RABGAP1L: variants seen among roughly 807,000 people sequenced by gnomAD.
RABGAP1L encodes the protein RAB GTPase activating protein 1 like.
RABGAP1L carries 63 observed loss-of-function variants against 137.7 expected under a neutral mutation model. That is an observed-to-expected ratio of 0.46 (90% CI 0.37 to 0.56). The LOEUF is 0.56. RABGAP1L is among the 20% of genes least tolerant of loss of function. The pLI, the probability that RABGAP1L is intolerant of heterozygous loss-of-function variation, is 0.00. For missense variants in RABGAP1L, 1,095 were observed against 1,244.0 expected (o/e 0.88, Z 1.80); for synonymous variants, 431 against 433.7 (o/e 0.99, Z 0.08).
intron 19 of RABGAP1L, among the ~76,000 whole-genome samples, chr1:174,843,968 C>T (rs1361780105): frequency 2.2e-5 from 3 of 133,416 alleles, no homozygotes; most frequent in East Asian, 4.7e-4. Context: ...TTGCATTTCT[C>T]TGATGGCCAG....
chr1:174,455,758 G>C (rs1655971875), intron 13 of RABGAP1L, among the ~76,000 whole-genome samples: 1 of 152,090 alleles, frequency 6.6e-6, no homozygotes, highest in South Asian at 2.1e-4. Context: ...ACTGCAAGTT[G>C]AAATTTGGAA....
chr1:174,977,403 A>G (rs1248296560), intron 22 of RABGAP1L, among the ~76,000 whole-genome samples: 1 of 152,216 alleles, frequency 6.6e-6, no homozygotes, highest in Non-Finnish European at 1.5e-5. Flanking sequence ...AAGCTACTCT[A>G]GATGAGGCAT....
At chr1:174,202,350 G>A (rs950883516) in intron 1 of RABGAP1L, among the ~76,000 whole-genome samples, 2 of 152,124 alleles carry the variant, frequency 1.3e-5, no homozygotes, top group African/African-American at 4.8e-5. Flanking sequence ...ATTCTAACTG[G>A]TGTGAGATGG....
intron 18 of RABGAP1L, chr1:174,800,281 T>C: frequency 2.0e-6 from 3 of 1,517,178 alleles, no homozygotes; most frequent in Non-Finnish European, 2.7e-6. Flanking sequence ...CAGTTCTTAA[T>C]ATTGTGGATA....
chr1:174,617,895 A>G (rs1288082707), intron 13 of RABGAP1L, among the ~76,000 whole-genome samples: 2 of 151,944 alleles, frequency 1.3e-5, no homozygotes, highest in Non-Finnish European at 1.5e-5. Flanking sequence ...GCAGCTAGTC[A>G]AAGAAAGGGG....
intron 7 of RABGAP1L, among the ~76,000 whole-genome samples, chr1:174,261,384 G>A (rs753338981): frequency 6.6e-6 from 1 of 152,132 alleles, no homozygotes; most frequent in Non-Finnish European, 1.5e-5. Flanking sequence ...TCAGTGATGT[G>A]CCTCTTTTGG....
intron 13 of RABGAP1L, among the ~76,000 whole-genome samples, chr1:174,414,452 T>C (rs1370050964): frequency 1.3e-5 from 2 of 152,122 alleles, no homozygotes; most frequent in African/African-American, 4.8e-5. Flanking sequence ...TAGTAGGCTG[T>C]CCTACTATCT....
At chr1:174,584,126 T>A (rs1668941057) in intron 13 of RABGAP1L, among the ~76,000 whole-genome samples, 1 of 152,138 alleles carries the variant, frequency 6.6e-6, no homozygotes, top group African/African-American at 2.4e-5. Context: ...AAAATCATCT[T>A]GGATAGCCTA....
intron 14 of RABGAP1L, among the ~76,000 whole-genome samples, chr1:174,639,733 G>C (rs947609038): frequency 2.6e-5 from 4 of 152,036 alleles, no homozygotes; most frequent in Non-Finnish European, 4.4e-5. Flanking sequence ...GTAATATTTA[G>C]AGGGGAAATA....
At chr1:174,695,851 T>A (rs760932857) in intron 15 of RABGAP1L, among the ~76,000 whole-genome samples, 10 of 152,226 alleles carry the variant, frequency 6.6e-5, no homozygotes, top group Admixed American at 1.3e-4. Flanking sequence ...TGCTGCAATT[T>A]TTGCAGACTC....
chr1:174,821,852 C>G (rs921835756), intron 19 of RABGAP1L, among the ~76,000 whole-genome samples: 1 of 152,204 alleles, frequency 6.6e-6, no homozygotes, highest in African/African-American at 2.4e-5. Context: ...TCTTGTGTTC[C>G]TTTTCTATAA....
intron 7 of RABGAP1L, among the ~76,000 whole-genome samples, chr1:174,263,886 A>G (rs913271884): frequency 6.6e-6 from 1 of 151,376 alleles, no homozygotes; most frequent in African/African-American, 2.4e-5. Context: ...GGGCCGGGGG[A>G]TGTTTACAGG....
At chr1:174,349,973 T>C (rs1236816174) in intron 11 of RABGAP1L, among the ~76,000 whole-genome samples, 141 of 58,756 alleles carry the variant, frequency 2.4e-3, no homozygotes, top group African/African-American at 2.8e-3. Flanking sequence ...GACCCCCCCA[T>C]CTCCCTCCCG....
At chr1:174,259,884 G>A (rs1299668945) in intron 7 of RABGAP1L, among the ~76,000 whole-genome samples, 1 of 151,204 alleles carries the variant, frequency 6.6e-6, no homozygotes, top group Non-Finnish European at 1.5e-5. Context: ...ACCCAGGCTG[G>A]AGTGCAGTGG....
At chr1:174,557,811 A>G (rs887522055) in intron 13 of RABGAP1L, among the ~76,000 whole-genome samples, 13 of 152,236 alleles carry the variant, frequency 8.5e-5, no homozygotes, top group African/African-American at 2.9e-4. Flanking sequence ...GAAAAGAACA[A>G]TTGCTCTGCC....
At chr1:174,784,678 C>G (rs61828086) in intron 18 of RABGAP1L, among the ~76,000 whole-genome samples, 1 of 152,158 alleles carries the variant, frequency 6.6e-6, no homozygotes, top group Admixed American at 6.6e-5. Flanking sequence ...CAAGAATAGA[C>G]CAAACTGCAG....
At chr1:174,436,499 GT>G (rs1558232464) in intron 13 of RABGAP1L, among the ~76,000 whole-genome samples, 1 of 152,030 alleles carries the variant, frequency 6.6e-6, no homozygotes, top group Non-Finnish European at 1.5e-5. Flanking sequence ...TTTTGATGGG[GT>G]TGTTTGTTTT....
intron 19 of RABGAP1L, among the ~76,000 whole-genome samples, chr1:174,833,466 A>ATATATATATATACAT: frequency 1.6e-5 from 1 of 61,166 alleles, no homozygotes; most frequent in East Asian, 3.9e-4. Context: ...ATATATATAT[A>ATATATATATATACAT]TAGTAGAGAC....
intron 11 of RABGAP1L, among the ~76,000 whole-genome samples, chr1:174,312,598 T>C (rs1310184978): frequency 2.0e-5 from 3 of 152,238 alleles, no homozygotes; most frequent in Non-Finnish European, 4.4e-5. Flanking sequence ...AGAAGCTTTC[T>C]AACTTGATAC....
Sources: gnomAD v4.1 joint callset for allele counts (sites outside exome capture counted in the v4.1 genomes callset) on GRCh38, gnomAD v4.1.1 for gene constraint, MANE v1.5 for transcripts, NCBI Gene and HGNC (gene_info 2026-07-23, HGNC 2026-07-21) for gene names.